Variants in MLLT1 observed in about 807,000 individuals in gnomAD.
MLLT1 encodes the protein MLLT1 super elongation complex subunit, also known as protein ENL.
In MLLT1, 11 loss-of-function variants were observed where a neutral mutation model predicts 55.1. That is an observed-to-expected ratio of 0.20 (90% CI 0.13 to 0.33). The LOEUF (loss-of-function observed/expected upper bound fraction) is 0.33, where lower values mean the gene tolerates loss of function less well. Ranked by LOEUF, MLLT1 falls within the 10% of genes least tolerant of loss-of-function variation. MLLT1 has a pLI of 1.00. For synonymous variants in MLLT1, 323 were observed against 320.1 expected (o/e 1.01, Z -0.10); for missense variants, 536 against 760.6 (o/e 0.70, Z 3.47).
chr19:6,254,191 T>A lies in MLLT1; in HGVS notation c.276+8037A>T, dbSNP rs140648922. Among the ~76,000 whole-genome samples the A allele has an allele frequency of 4.6e-5, 7 of 152,248 alleles. No homozygotes were observed. In the East Asian group the frequency reaches 1.4e-3, roughly 29 times the overall value. On this transcript the variant is annotated intron_variant, in intron 3 of 11. Coordinates refer to ENST00000252674, the MANE Select transcript of MLLT1 (RefSeq NM_005934.4). ...AGTTTAATCACCAATGGCCAATGGT[T>A]TAATCAATCATGCCCACACAATGGA...
chr19:6,270,250 GC>G lies in MLLT1; in HGVS notation c.193+328del, dbSNP rs2091384565. ...TCACATGGCACACAAACAAACATAG[GC>G]CCGGTCGGCAACTTCCTGATCACTC... On this transcript the variant is annotated intron_variant, in intron 2 of 11. Transcript: ENST00000252674. The surrounding 1 kb of genome is among the most constrained non-coding windows in gnomAD (Gnocchi z 7.1). 6.6e-6 allele frequency among the ~76,000 whole-genome samples: 1 copy of G among 150,852 alleles called. No homozygotes were observed.
chr19:6,214,751 C>G (rs563730291), intron 8 of MLLT1, among the ~76,000 whole-genome samples: 5 of 152,190 alleles, frequency 3.3e-5, no homozygotes, highest in Non-Finnish European at 5.9e-5. Context: ...GTGAGAGGGG[C>G]CCCTGACAAC....
At chr19:6,269,640 G>C (rs1390919946) in intron 2 of MLLT1, among the ~76,000 whole-genome samples, 2 of 152,124 alleles carry the variant, frequency 1.3e-5, no homozygotes, top group African/African-American at 4.8e-5. Flanking sequence ...TGGGTCCCGG[G>C]TCCCGGGAAG....
chr19:6,273,569 A>G lies in MLLT1; in HGVS notation c.13-2810T>C, dbSNP rs1480907310. Among the ~76,000 whole-genome samples, 8 of 152,086 alleles carry G rather than the reference A, an allele frequency of 5.3e-5. No individual in the cohort carries two copies. Among genetic ancestry groups the G allele is most frequent in the Non-Finnish European group, 1.2e-4 (8 of 68,014 alleles). ...ACACCACCGCATTCCAACAAACCCAAAACAACACTGACATTAGCCCCGAGC... is the reference window on the plus strand; with the variant it reads ...ACACCACCGCATTCCAACAAACCCAGAACAACACTGACATTAGCCCCGAGC... On this transcript the variant is annotated intron_variant, in intron 1 of 11. Coordinates refer to ENST00000252674, the MANE Select transcript of MLLT1 (RefSeq NM_005934.4). The surrounding 1 kb of genome is among the most constrained non-coding windows in gnomAD (Gnocchi z 4.3).
rs1010955268 is a variant in MLLT1, at chr19:6,212,964, A to C, written c.*78T>G. 1.3e-4 allele frequency: 209 copies of C among 1,557,624 alleles called. No homozygotes were observed. The highest frequency in any genetic ancestry group is 1.8e-4 in the Admixed American group (10 of 56,908). ...TAAGGCAGTGCTGCGGGCAGGCGAGACGGGAGAGGAGGGCAGGCGAGGCCT... is the reference window on the plus strand; with the variant it reads ...TAAGGCAGTGCTGCGGGCAGGCGAGCCGGGAGAGGAGGGCAGGCGAGGCCT... On this transcript the variant is annotated 3_prime_UTR_variant, in exon 12 of 12. Coordinates refer to ENST00000252674, the MANE Select transcript of MLLT1 (RefSeq NM_005934.4).
At chr19:6,265,691 T>C (rs1342989070) in intron 2 of MLLT1, among the ~76,000 whole-genome samples, 1 of 149,306 alleles carries the variant, frequency 6.7e-6, no homozygotes, top group African/African-American at 2.5e-5. Flanking sequence ...ACAAAAGTTT[T>C]GGATCTTGGC....
In MLLT1 at chr19:6,211,801, G is replaced by A. The variant is rs2090775003; in HGVS notation, c.*1241C>T. On this transcript the variant is annotated 3_prime_UTR_variant, in exon 12 of 12. Coordinates refer to ENST00000252674, the MANE Select transcript of MLLT1 (RefSeq NM_005934.4). The surrounding 1 kb of genome is among the most constrained non-coding windows in gnomAD (Gnocchi z 4.6). ...GAGCGTCCTGGCCCTGGAAGAGTGG[G>A]CCGGGAAGGAGGACCGGCTTGGCCC... 1.9e-6 allele frequency: 2 copies of A among 1,064,120 alleles called. No individual in the cohort carries two copies. Among genetic ancestry groups the A allele is most frequent in the East Asian group, 5.0e-5 (1 of 19,990 alleles). The allele number at this position is 1,064,120 out of a possible 1,614,324, so 65.9% of individuals were successfully genotyped here. A position where few individuals can be genotyped will look rare whatever the true frequency, so the allele number is the denominator to read the frequency against.
At chr19:6,245,727 A>C (rs1489669034) in intron 3 of MLLT1, among the ~76,000 whole-genome samples, 2 of 134,998 alleles carry the variant, frequency 1.5e-5, no homozygotes, top group African/African-American at 3.1e-5. Flanking sequence ...TAAACAAATA[A>C]AATTTTTTTT....
rs1179515114 is a variant in MLLT1, at chr19:6,222,688, C to G, written c.547-4G>C. On this transcript the variant is annotated splice_polypyrimidine_tract_variant and splice_region_variant and intron_variant, in intron 5 of 11. Transcript: ENST00000252674. The surrounding 1 kb of genome is among the most constrained non-coding windows in gnomAD (Gnocchi z 4.1). Reference sequence around the variant, plus strand: ...TGCTGCTCTCCTTGTTGGCGTCCTGCAAGGCCAAGAGCAGGGAGGGCAAGG... The same window carrying G: ...TGCTGCTCTCCTTGTTGGCGTCCTGGAAGGCCAAGAGCAGGGAGGGCAAGG... 2.0e-6 allele frequency: 3 copies of G among 1,525,366 alleles called. No homozygotes were observed. The African/African-American group carries it at 4.1e-5, about 21-fold the overall frequency. The allele number at this position is 1,525,366 out of a possible 1,614,324, so 94.5% of individuals were successfully genotyped here.
Position 6,274,021 on chromosome 19 carries a change from G to A in MLLT1, c.13-3262C>T, listed in dbSNP as rs571118782. 1.1e-4 allele frequency among the ~76,000 whole-genome samples: 17 copies of A among 152,356 alleles called. No homozygotes were observed. In the South Asian group the frequency reaches 2.5e-3, roughly 22 times the overall value. On this transcript the variant is annotated intron_variant, in intron 1 of 11. Transcript: ENST00000252674. ...GCAGCGATGGGTAATCTTTGCAGCC[G>A]GCAGGCCGGGCCCAAAGTGCTGCCC...
At position 6,212,967 on chromosome 19, in the gene MLLT1, G is replaced by A; in HGVS notation, c.*75C>T. 1 of 1,569,196 alleles carries A rather than the reference G, an allele frequency of 6.4e-7. No homozygotes were observed. The highest frequency in any genetic ancestry group is 8.7e-7 in the Non-Finnish European group (1 of 1,152,104). ...GGCAGTGCTGCGGGCAGGCGAGACGGGAGAGGAGGGCAGGCGAGGCCTGGC... is the reference window on the plus strand; with the variant it reads ...GGCAGTGCTGCGGGCAGGCGAGACGAGAGAGGAGGGCAGGCGAGGCCTGGC... On this transcript the variant is annotated 3_prime_UTR_variant, in exon 12 of 12. Transcript: ENST00000252674.
chr19:6,213,706 T>C lies in MLLT1; in HGVS notation c.1479+20A>G. On this transcript the variant is annotated intron_variant, in intron 10 of 11. Coordinates refer to ENST00000252674, the MANE Select transcript of MLLT1 (RefSeq NM_005934.4). ...CCACCCCTCCGTAGCCTCCCCGCCT[T>C]GTCGTAGGTGCCCCCCCACCTTGTC... 1 of 1,351,818 alleles carries C rather than the reference T, an allele frequency of 7.4e-7. No homozygotes were observed. Among genetic ancestry groups the C allele is most frequent in the Non-Finnish European group, 1.0e-6 (1 of 970,690 alleles). The allele number at this position is 1,351,818 out of a possible 1,614,324, so 83.7% of individuals were successfully genotyped here. A position where few individuals can be genotyped will look rare whatever the true frequency, so the allele number is the denominator to read the frequency against.
chr19:6,218,497 G>A (rs1046344236), intron 6 of MLLT1, among the ~76,000 whole-genome samples: 4 of 152,250 alleles, frequency 2.6e-5, no homozygotes, highest in African/African-American at 7.2e-5. Flanking sequence ...AGTGCTGTCC[G>A]GGGCTCAGGG....
At chr19:6,233,632 A>G (rs2091032946) in intron 3 of MLLT1, among the ~76,000 whole-genome samples, 1 of 152,244 alleles carries the variant, frequency 6.6e-6, no homozygotes. Flanking sequence ...TTGTCCTGCC[A>G]AAACGCGAGA....
intron 8 of MLLT1, among the ~76,000 whole-genome samples, chr19:6,215,443 C>T (rs572284256): frequency 3.3e-5 from 5 of 152,292 alleles, no homozygotes; most frequent in South Asian, 2.1e-4. Flanking sequence ...CTGTCGGAGT[C>T]GTGGGCCCGG....
Position 6,222,179 on chromosome 19 carries a change from T to G in MLLT1, c.1052A>C (p.Lys351Thr). Residue 351 changes from lysine to threonine, a missense_variant, in exon 6 of 12, where the codon AAA becomes ACA. Lys to Thr is a moderately conservative substitution (Grantham distance 78). Transcript: ENST00000252674. This position sits in a 1 kb window ranked among gnomAD's most constrained non-coding sequence, Gnocchi z 4.1. Reference sequence around the variant, plus strand: ...GGACTCCTCCACCTCCAGGGCCTTTTTGGCCTCCCGGGGCTCACTCTCGGC... The same window carrying G: ...GGACTCCTCCACCTCCAGGGCCTTTGTGGCCTCCCGGGGCTCACTCTCGGC... ...VKAESEPREA[K>T]KALEVEESNS... 1 of 1,586,436 alleles carries G rather than the reference T, an allele frequency of 6.3e-7. No individual in the cohort carries two copies. The highest frequency in any genetic ancestry group is 1.1e-5 in the South Asian group (1 of 87,872).
chr19:6,267,183 C>T (rs532060520), intron 2 of MLLT1, among the ~76,000 whole-genome samples: 97 of 152,112 alleles, frequency 6.4e-4, no homozygotes, highest in African/African-American at 2.1e-3. Flanking sequence ...CTCACTGCAA[C>T]CTCTGCATCC....
rs534572584 is a variant in MLLT1 at position 6,227,772 on chromosome 19, G to A, written c.421-670C>T. Among the ~76,000 whole-genome samples the A allele has an allele frequency of 1.6e-4, 25 of 152,180 alleles. No homozygotes were observed. Among genetic ancestry groups the A allele is most frequent in the Non-Finnish European group, 3.1e-4 (21 of 68,024 alleles). On this transcript the variant is annotated intron_variant, in intron 4 of 11. Transcript: ENST00000252674. The surrounding 1 kb of genome is among the most constrained non-coding windows in gnomAD (Gnocchi z 5.1). The stretch of plus-strand genomic sequence containing the variant: ...GAGGCTACGGATGACGAAAGTTCTG[G>A]GGTCCTTCCAGGAGGGCTCCCAGGA...
rs1352760905 is a variant in MLLT1, at chr19:6,243,581, A to C, written c.277-12868T>G. On this transcript the variant is annotated intron_variant, in intron 3 of 11. Coordinates refer to ENST00000252674, the MANE Select transcript of MLLT1 (RefSeq NM_005934.4). ...CAGAGGACTCGACCCCTTATGCAGG[A>C]TCTAACAGCAAATGCCACCATGTCA... 2.0e-5 allele frequency among the ~76,000 whole-genome samples: 3 copies of C among 152,084 alleles called. No homozygotes were observed. In the East Asian group the frequency reaches 5.8e-4, roughly 29 times the overall value.
Sources: allele counts gnomAD v4.1 joint callset (sites outside exome capture counted in the v4.1 genomes callset), GRCh38; gene constraint gnomAD v4.1.1; non-coding constraint Gnocchi (gnomAD v3.1); transcripts MANE v1.5; gene names NCBI Gene and HGNC (gene_info 2026-07-23, HGNC 2026-07-21).